Variants in HELLS observed in about 807,000 individuals in gnomAD.
HELLS encodes lymphoid-specific helicase.
In HELLS, 32 loss-of-function variants were observed where a neutral mutation model predicts 120.0. The observed-to-expected ratio is 0.27, with a 90% CI of 0.20 to 0.36. HELLS has a LOEUF of 0.36. Among genes scored for constraint, HELLS ranks in the 10% least tolerant of loss-of-function variants. The pLI, the probability that HELLS is intolerant of heterozygous loss-of-function variation, is 1.00. For synonymous variants in HELLS, 341 were observed against 323.4 expected, an observed-to-expected ratio of 1.05 and a Z score of -0.58; for missense variants, 650 against 993.4, an observed-to-expected ratio of 0.65 and a Z score of 4.65.
intron 15 of HELLS, 137 bp from the exon 16 acceptor site, chr10:94,592,091 CA>C: frequency 3.4e-6 from 2 of 581,578 alleles, no homozygotes; most frequent in South Asian, 4.8e-5. Context: ...TCTGATTTTA[CA>C]AAGATTGAAT....
At position 94,546,432 on chromosome 10, in the gene HELLS, C is replaced by A; in HGVS notation, c.87C>A (p.Ala29=). Residue 29 remains alanine, a synonymous_variant, in exon 2 of 22, where the codon GCC becomes GCA. Transcript: ENST00000348459. The stretch of plus-strand genomic sequence containing the variant: ...TGGACACTGCTGTGATTACCCCGGC[C>A]ATGCTAGAAGAGGAAGAACAGCTTG... ...EQLDTAVITP[A]MLEEEEQLEA... 1 of 1,614,118 alleles carries A rather than the reference C, an allele frequency of 6.2e-7. No homozygotes were observed. The highest frequency in any genetic ancestry group is 1.3e-5 in the African/African-American group (1 of 75,042).
intron 12 of HELLS, among the ~76,000 whole-genome samples, chr10:94,585,580 C>T (rs1351444789): frequency 6.6e-6 from 1 of 151,630 alleles, no homozygotes; most frequent in African/African-American, 2.4e-5. Context: ...GACGAGGTTT[C>T]ACCATGTTGG....
At position 94,576,766 on chromosome 10, in the gene HELLS, G is replaced by A. The variant is rs112321661; in HGVS notation, c.993G>A (p.Thr331=). ...TGCAGATTCATCCTGTGGTAATCAC[G>A]TCATTTGAAATAGCCATGAGAGACC... ...GTLQIHPVVI[T]SFEIAMRDRN... The change falls in exon 10 of 22, where the codon ACG becomes ACA. Residue 331 remains threonine, a synonymous_variant. Transcript: ENST00000348459. The A allele has an allele frequency of 6.8e-3, 10,882 of 1,610,636 alleles. 51 individuals carry two copies. The highest frequency in any genetic ancestry group is 7.5e-3 in the Non-Finnish European group (8,814 of 1,178,280).
chr10:94,565,900 AT>A (rs34468351), intron 6 of HELLS, among the ~76,000 whole-genome samples: 3,378 of 148,046 alleles, frequency 0.023, 121 homozygotes, highest in African/African-American at 0.076. Context: ...ATGAAATTGA[AT>A]TTTTTTTTTT....
At chr10:94,606,821 A>C (rs1380340893), downstream of HELLS, among the ~76,000 whole-genome samples, 5 of 152,224 alleles carry the variant, frequency 3.3e-5, no homozygotes, top group South Asian at 2.1e-4. Flanking sequence ...AATCTCTCTA[A>C]GCTCCATGCA....
chr10:94,574,682 C>G lies in HELLS; in HGVS notation c.834C>G (p.Gly278=), dbSNP rs753178999. ...TACCAGGACCTTTTCTTGTCTGTGG[C>G]CCTTTGTCTACACTTCCTAACTGGA... The part of the protein sequence containing the change: ...RGVPGPFLVC[G]PLSTLPNWMA... The change falls in exon 9 of 22, where the codon GGC becomes GGG. Residue 278 remains glycine (G), a synonymous_variant. Transcript: ENST00000348459. 3 of 1,613,722 alleles carry G rather than the reference C, an allele frequency of 1.9e-6. No individual in the cohort carries two copies. The highest frequency in any genetic ancestry group is 2.5e-6 in the Non-Finnish European group (3 of 1,179,782).
At chr10:94,576,893 G>A in intron 10 of HELLS, 88 bp downstream of exon 10, 1 of 1,262,342 alleles carries the variant, frequency 7.9e-7, no homozygotes, top group Non-Finnish European at 1.1e-6. Flanking sequence ...GGGAGCATTT[G>A]TCTAATTTTT....
At chr10:94,580,158 TATATACACAC>T (rs1181371997) in intron 10 of HELLS, among the ~76,000 whole-genome samples, 98 of 75,066 alleles carry the variant, frequency 1.3e-3, no homozygotes, top group African/African-American at 6.0e-3. Flanking sequence ...TATATATATA[TATATACACAC>T]ACACACACAC....
intron 3 of HELLS, among the ~76,000 whole-genome samples, chr10:94,556,867 G>A (rs535738285): frequency 2.0e-5 from 3 of 152,170 alleles, no homozygotes; most frequent in Non-Finnish European, 4.4e-5. Context: ...TCCTGATAAT[G>A]TCTATATGTC....
chr10:94,605,643 C>CTTTTT (rs1206815493), downstream of HELLS, among the ~76,000 whole-genome samples: 1 of 125,104 alleles, frequency 8.0e-6, no homozygotes, highest in Non-Finnish European at 1.7e-5. Flanking sequence ...TTAATGGTTC[C>CTTTTT]TTTTTTTTTT....
chr10:94,571,459 T>G, intron 7 of HELLS, 30 bp downstream of exon 7: 1 of 1,459,772 alleles, frequency 6.9e-7, no homozygotes, highest in Non-Finnish European at 9.5e-7. Context: ...AGATTAAGTT[T>G]AGAAGTCATA....
In HELLS at chr10:94,593,591, A is replaced by G; in HGVS notation, c.2064A>G (p.Thr688=). The G allele has an allele frequency of 6.2e-7, 1 of 1,602,906 alleles. No individual in the cohort carries two copies. Among genetic ancestry groups the G allele is most frequent in the East Asian group, 2.2e-5 (1 of 44,816 alleles). ...GLGINLTAAD[T]VIIYDSDWNP... ...GCATTAATCTGACTGCAGCAGATAC[A>G]GTTATCATTTATGATAGTGATTGGG... is the stretch of plus-strand genomic sequence containing the variant. Residue 688 remains threonine (T), a synonymous_variant, in exon 18 of 22, where the codon ACA becomes ACG. Transcript: ENST00000348459.
rs776546865 is a variant in HELLS at position 94,596,860 on chromosome 10, A to G, written c.2249A>G (p.Asn750Ser). Reference sequence around the variant, plus strand: ...GTTTTTAATTTCTCATTTTTTTTAGATCATTTCAAAGGTGGTCAGTCTGGA... The same window carrying G: ...GTTTTTAATTTCTCATTTTTTTTAGGTCATTTCAAAGGTGGTCAGTCTGGA... ...RKLEKLIIHK[N>S]HFKGGQSGLN... is the part of the protein sequence containing the mutation. Residue 750 changes from asparagine to serine, a missense_variant and splice_region_variant, in exon 20 of 22, where the codon AAT becomes AGT. This residue lies in a region of HELLS where 90 missense variants were observed against 109.2 expected (regional missense o/e 0.82). Coordinates refer to ENST00000348459, the MANE Select transcript of HELLS (RefSeq NM_018063.5). The G allele has an allele frequency of 2.2e-6, 3 of 1,393,606 alleles. No individual in the cohort carries two copies. Among genetic ancestry groups the G allele is most frequent in the African/African-American group, 1.4e-5 (1 of 69,290 alleles). 86.3% of individuals were successfully genotyped at this position (1,393,606 alleles called of 1,614,324 possible).
chr10:94,576,736 G>A lies in HELLS; in HGVS notation c.963G>A (p.Gly321=). The A allele has an allele frequency of 6.2e-7, 1 of 1,611,852 alleles. No homozygotes were observed. Among genetic ancestry groups the A allele is most frequent in the Middle Eastern group, 1.7e-4 (1 of 6,054 alleles). ...TAAGAAATATTTACAAACGGAAAGGGACTTTGCAGATTCATCCTGTGGTAA... is the reference window on the plus strand; with the variant it reads ...TAAGAAATATTTACAAACGGAAAGGAACTTTGCAGATTCATCCTGTGGTAA... ...KLVRNIYKRK[G]TLQIHPVVIT... is the part of the protein sequence containing the mutation. The change falls in exon 10 of 22, where the codon GGG becomes GGA. Residue 321 remains glycine, a synonymous_variant. Transcript: ENST00000348459.
chr10:94,550,392 C>T (rs889894700), intron 2 of HELLS, among the ~76,000 whole-genome samples: 5 of 152,016 alleles, frequency 3.3e-5, no homozygotes, highest in African/African-American at 9.7e-5. Context: ...GATTCTTCTG[C>T]CTCAGCCTCC....
chr10:94,578,263 C>G (rs2134067499), intron 10 of HELLS, among the ~76,000 whole-genome samples: 1 of 150,712 alleles, frequency 6.6e-6, no homozygotes, highest in Admixed American at 6.6e-5. Context: ...CCAGTAGTCC[C>G]CAACCTTTTG....
At chr10:94,606,490 T>C (rs1169568950), downstream of HELLS, among the ~76,000 whole-genome samples, 1 of 151,612 alleles carries the variant, frequency 6.6e-6, no homozygotes, top group Admixed American at 6.6e-5. Flanking sequence ...TACAGGCATG[T>C]GACACTATGC....
intron 21 of HELLS, among the ~76,000 whole-genome samples, chr10:94,598,024 T>G (rs541011694): frequency 1.3e-5 from 2 of 151,654 alleles, no homozygotes; most frequent in African/African-American, 4.8e-5. Context: ...TTTTTATCAG[T>G]TTTTAGAATA....
intron 12 of HELLS, among the ~76,000 whole-genome samples, chr10:94,586,867 G>T (rs1276930667): frequency 4.0e-5 from 6 of 151,700 alleles, no homozygotes; most frequent in African/African-American, 1.5e-4. Flanking sequence ...AAATTTTTTT[G>T]TTTTTTTAGT....
Sources: gnomAD v4.1 joint callset for allele counts (sites outside exome capture counted in the v4.1 genomes callset) on GRCh38, gnomAD v4.1.1 for gene constraint, gnomAD v4.1.1 regional missense constraint, MANE v1.5 for transcripts, NCBI Gene and HGNC (gene_info 2026-07-23, HGNC 2026-07-21) for gene names.